The following FSTL5 variants were observed in gnomAD, a reference collection of about 807,000 sequenced individuals.
FSTL5 encodes the protein follistatin like 5, also known as follistatin-related protein 5.
FSTL5 carries 62 observed loss-of-function variants against 89.1 expected under a neutral mutation model. The observed-to-expected ratio is 0.70, with a 90% CI of 0.57 to 0.86. The LOEUF (loss-of-function observed/expected upper bound fraction) is 0.86, where lower values mean the gene tolerates loss of function less well. Among genes scored for constraint, FSTL5 ranks in the 40% least tolerant of loss-of-function variants. FSTL5 has a pLI of 0.00. For missense variants in FSTL5, 1,057 were observed against 1,001.6 expected (o/e 1.06, Z -0.75); for synonymous variants, 383 against 346.2 (o/e 1.11, Z -1.18).
chr4:161,395,934 C>T (rs1240905675), intron 15 of FSTL5, among the ~76,000 whole-genome samples: 1 of 152,012 alleles, frequency 6.6e-6, no homozygotes, highest in African/African-American at 2.4e-5. Context: ...TCCAATTAAT[C>T]CTACCTGCCA....
At chr4:161,424,872 A>C (rs1339837389) in intron 15 of FSTL5, among the ~76,000 whole-genome samples, 2 of 152,254 alleles carry the variant, frequency 1.3e-5, no homozygotes, top group African/African-American at 2.4e-5. Flanking sequence ...TCAGCATAAT[A>C]GGAGAGTCCT....
At chr4:161,798,957 G>T (rs1046261199) in intron 4 of FSTL5, among the ~76,000 whole-genome samples, 3 of 151,648 alleles carry the variant, frequency 2.0e-5, no homozygotes, top group Non-Finnish European at 4.4e-5. Flanking sequence ...GCGCTAAGAA[G>T]TCGTTACAGT....
At chr4:161,741,206 C>A (rs1026116878) in intron 6 of FSTL5, among the ~76,000 whole-genome samples, 1 of 152,080 alleles carries the variant, frequency 6.6e-6, no homozygotes, top group Admixed American at 6.5e-5. Flanking sequence ...AGTTACAGGG[C>A]AAAGGGGAAT....
At chr4:162,105,241 A>G (rs574552241) in intron 2 of FSTL5, among the ~76,000 whole-genome samples, 28 of 152,074 alleles carry the variant, frequency 1.8e-4, no homozygotes, top group African/African-American at 6.8e-4. Context: ...GAGAACACTT[A>G]AGATCTACCC....
intron 6 of FSTL5, among the ~76,000 whole-genome samples, chr4:161,668,516 G>A (rs905600210): frequency 6.6e-6 from 1 of 152,072 alleles, no homozygotes; most frequent in East Asian, 1.9e-4. Flanking sequence ...CTCATTCTCT[G>A]AGACCATTAT....
chr4:161,546,605 C>G (rs983750719), intron 8 of FSTL5, among the ~76,000 whole-genome samples: 2 of 151,678 alleles, frequency 1.3e-5, no homozygotes, highest in East Asian at 3.9e-4. Flanking sequence ...TATGCCAACA[C>G]GTAACTTTAA....
At chr4:161,621,726 C>G (rs559274289) in intron 7 of FSTL5, among the ~76,000 whole-genome samples, 73 of 151,500 alleles carry the variant, frequency 4.8e-4, no homozygotes, top group Non-Finnish European at 1.5e-5. Flanking sequence ...AGCTGTAATC[C>G]TAGCACTTTG....
chr4:161,957,245 T>C (rs1300202523), intron 3 of FSTL5, among the ~76,000 whole-genome samples: 3 of 152,140 alleles, frequency 2.0e-5, no homozygotes, highest in Admixed American at 6.6e-5. Context: ...TTATATATTC[T>C]ACATAAAAGT....
At chr4:161,510,348 A>T in intron 11 of FSTL5, 50 bp downstream of exon 11, 1 of 1,173,266 alleles carries the variant, frequency 8.5e-7, no homozygotes, top group East Asian at 2.5e-5. Context: ...AACAAATCTA[A>T]TAATAATCAA....
At chr4:162,003,964 G>T (rs1054143228) in intron 3 of FSTL5, among the ~76,000 whole-genome samples, 6 of 152,148 alleles carry the variant, frequency 3.9e-5, no homozygotes, top group African/African-American at 1.2e-4. Flanking sequence ...CTGGGTAGCA[G>T]AATCAAGACT....
At chr4:161,619,440 A>G (rs147369298) in intron 7 of FSTL5, among the ~76,000 whole-genome samples, 1,636 of 152,236 alleles carry the variant, frequency 0.011, 27 homozygotes, top group African/African-American at 0.037. Flanking sequence ...CAACCTACTC[A>G]TCTGACAAAG....
At chr4:161,955,293 C>G (rs759344418) in intron 3 of FSTL5, among the ~76,000 whole-genome samples, 1 of 151,514 alleles carries the variant, frequency 6.6e-6, no homozygotes, top group Non-Finnish European at 1.5e-5. Flanking sequence ...CAGAGGAAAT[C>G]TCAATGAAGC....
chr4:161,740,233 T>C (rs1424907054), intron 6 of FSTL5, among the ~76,000 whole-genome samples: 2 of 152,064 alleles, frequency 1.3e-5, no homozygotes, highest in African/African-American at 4.8e-5. Flanking sequence ...TTGGCCAACC[T>C]GGTCTTGAAC....
At chr4:161,688,617 G>T (rs1278935036) in intron 6 of FSTL5, among the ~76,000 whole-genome samples, 3 of 152,098 alleles carry the variant, frequency 2.0e-5, no homozygotes, top group African/African-American at 7.2e-5. Context: ...TTTAAAAAGT[G>T]TGTTATGGTT....
chr4:162,142,956 C>T (rs1732806472), intron 1 of FSTL5, among the ~76,000 whole-genome samples: 1 of 152,088 alleles, frequency 6.6e-6, no homozygotes, highest in South Asian at 2.1e-4. Context: ...ACTAGGCTCT[C>T]AAGTAATGAC....
At chr4:161,913,761 G>A (rs1353189415) in intron 4 of FSTL5, among the ~76,000 whole-genome samples, 2 of 152,154 alleles carry the variant, frequency 1.3e-5, no homozygotes, top group African/African-American at 2.4e-5. Context: ...TGCCCTGCGG[G>A]ATTTTGGACT....
chr4:161,954,180 G>C (rs1734969169), intron 3 of FSTL5, among the ~76,000 whole-genome samples: 1 of 151,196 alleles, frequency 6.6e-6, no homozygotes, highest in Non-Finnish European at 1.5e-5. Flanking sequence ...AATCACTAAG[G>C]GACAGATCCA....
chr4:161,864,383 C>T (rs558028753), intron 4 of FSTL5, among the ~76,000 whole-genome samples: 1 of 152,150 alleles, frequency 6.6e-6, no homozygotes, highest in South Asian at 2.1e-4. Flanking sequence ...GTTTATAAAT[C>T]TGTACAATAG....
chr4:161,822,019 C>A (rs1441181406), intron 4 of FSTL5, among the ~76,000 whole-genome samples: 1 of 152,102 alleles, frequency 6.6e-6, no homozygotes, highest in Admixed American at 6.6e-5. Context: ...CACTGTTTTT[C>A]ATAGTGGTTG....
Sources: gnomAD v4.1 joint callset for allele counts (sites outside exome capture counted in the v4.1 genomes callset) on GRCh38, gnomAD v4.1.1 for gene constraint, MANE v1.5 for transcripts, NCBI Gene and HGNC (gene_info 2026-07-23, HGNC 2026-07-21) for gene names.